Variants in ABCC11 observed in about 807,000 individuals in gnomAD.
ABCC11 encodes the protein ATP binding cassette subfamily C member 11.
In ABCC11, 135 loss-of-function variants were observed where a neutral mutation model predicts 149.3. The ratio of observed to expected loss-of-function variants is 0.90; its 90% CI spans 0.79 to 1.04. The LOEUF is 1.04. Ranked by LOEUF, ABCC11 falls within the 50% of genes least tolerant of loss-of-function variation. The pLI, the probability that ABCC11 is intolerant of heterozygous loss-of-function variation, is 0.00. For missense variants in ABCC11, 1,680 were observed against 1,722.1 expected, an observed-to-expected ratio of 0.98 and a Z score of 0.43; for synonymous variants, 665 against 671.4, an observed-to-expected ratio of 0.99 and a Z score of 0.15.
intron 24 of ABCC11, among the ~76,000 whole-genome samples, chr16:48,177,928 G>C (rs570263491): frequency 6.6e-6 from 1 of 152,254 alleles, no homozygotes; most frequent in African/African-American, 2.4e-5. Flanking sequence ...GAAAAATGTG[G>C]ATAATCATTC....
At chr16:48,186,803 A>G (rs148717085) in intron 22 of ABCC11, 150 bp downstream of exon 22, 17 of 955,878 alleles carry the variant, frequency 1.8e-5, no homozygotes, top group East Asian at 2.5e-5. Context: ...ATGGTTCAGC[A>G]GGTTCTGGAG....
At position 48,180,041 on chromosome 16, in the gene ABCC11, A is replaced by G. The variant is rs551843022; in HGVS notation, c.3259-1355T>C. Among the ~76,000 whole-genome samples, 6 of 152,322 alleles carry G rather than the reference A, an allele frequency of 3.9e-5. No homozygotes were observed. The South Asian group carries it at 1.2e-3, about 32-fold the overall frequency. ...GGGTTGGAAGACCACTTTTCCTCCC[A>G]TCCCTCAGTGTATCACACCCTGCGG... On this transcript the variant is annotated intron_variant, in intron 23 of 29. Coordinates refer to ENST00000356608, the MANE Select transcript of ABCC11 (RefSeq NM_001370497.1).
intron 18 of ABCC11, 67 bp from the exon 19 acceptor site, chr16:48,194,049 G>T (rs895296133): frequency 7.6e-6 from 9 of 1,183,280 alleles, no homozygotes; most frequent in African/African-American, 4.5e-5. Context: ...TGACTCAGCT[G>T]CTCGGCCATC....
At position 48,193,988 on chromosome 16, in the gene ABCC11, A is replaced by C; in HGVS notation, c.2405-6T>G. The C allele has an allele frequency of 6.2e-7, 1 of 1,602,564 alleles. No individual in the cohort carries two copies. The highest frequency in any genetic ancestry group is 8.5e-7 in the Non-Finnish European group (1 of 1,169,800). On this transcript the variant is annotated splice_polypyrimidine_tract_variant and splice_region_variant and intron_variant, in intron 18 of 29. Transcript: ENST00000356608. ...TATGCAAGAGACCATGTAACCTGGG[A>C]GGGAGACAGTGGTGATGTACAAGTG...
intron 1 of ABCC11, among the ~76,000 whole-genome samples, chr16:48,243,245 C>CA (rs1461451756): frequency 6.6e-6 from 1 of 151,248 alleles, no homozygotes; most frequent in Non-Finnish European, 1.5e-5. Context: ...ACTAAAAATA[C>CA]AAAAAATTAG....
intron 1 of ABCC11, among the ~76,000 whole-genome samples, chr16:48,245,673 G>C (rs1971334845): frequency 6.6e-6 from 1 of 151,944 alleles, no homozygotes; most frequent in Non-Finnish European, 1.5e-5. Flanking sequence ...GCCAGATTTT[G>C]AAAAAACTTT....
chr16:48,217,458 C>T (rs973245528), intron 6 of ABCC11, among the ~76,000 whole-genome samples: 1 of 151,968 alleles, frequency 6.6e-6, no homozygotes, highest in Non-Finnish European at 1.5e-5. Context: ...TAGCCAGGCA[C>T]GGGGGCACAT....
At chr16:48,193,467 G>A (rs1253417031) in intron 19 of ABCC11, among the ~76,000 whole-genome samples, 4 of 152,174 alleles carry the variant, frequency 2.6e-5, no homozygotes, top group Admixed American at 2.0e-4. Context: ...TCCTCTGAAT[G>A]TGGGTGGGGA....
At chr16:48,217,545 G>T (rs1372152076) in intron 6 of ABCC11, among the ~76,000 whole-genome samples, 2 of 152,186 alleles carry the variant, frequency 1.3e-5, no homozygotes, top group Non-Finnish European at 2.9e-5. Flanking sequence ...GCAATGAGCT[G>T]TAATCATGCC....
At chr16:48,184,881 C>G (rs933253660) in intron 22 of ABCC11, among the ~76,000 whole-genome samples, 2 of 152,260 alleles carry the variant, frequency 1.3e-5, no homozygotes, top group Non-Finnish European at 2.9e-5. Flanking sequence ...CCTCGCCTAA[C>G]CTCTGTGACT....
chr16:48,208,491 C>T lies in ABCC11; in HGVS notation c.1614G>A (p.Met538Ile). 1 of 1,614,188 alleles carries T rather than the reference C, an allele frequency of 6.2e-7. No homozygotes were observed. The highest frequency in any genetic ancestry group is 8.5e-7 in the Non-Finnish European group (1 of 1,180,022). Residue 538 changes from methionine (M) to isoleucine (I), a missense_variant, in exon 12 of 30, where the codon ATG (methionine) becomes ATA (isoleucine). Physicochemically the swap from Met to Ile is conservative, Grantham distance 10. Transcript: ENST00000356608. ...CCGTGTTGCCGCAGACCCCTAACAT[C>T]ATCCCCTGCAAGCCAAGGAGGACAT... ...HKINLVVSKG[M>I]MLGVCGNTGS...
At position 48,211,188 on chromosome 16, in the gene ABCC11, G is replaced by A. The variant is rs2150861012; in HGVS notation, c.1368C>T (p.Leu456=). The A allele has an allele frequency of 6.2e-7, 1 of 1,613,934 alleles. No homozygotes were observed. Among genetic ancestry groups the A allele is most frequent in the East Asian group, 2.2e-5 (1 of 44,888 alleles). Residue 456 remains leucine, a synonymous_variant, in exon 11 of 30, where the codon CTC becomes CTT. Transcript: ENST00000356608. ...SAVMRFKKFF[L]QESPVFYVQT... is the part of the protein sequence containing the mutation. ...GGACATAGAAAACAGGGCTCTCCTG[G>A]AGGAAAAACTTCTGTAAAGACAGAA...
At chr16:48,224,534 A>G (rs1003664189) in intron 4 of ABCC11, 105 bp from the exon 5 acceptor site, 3 of 1,257,178 alleles carry the variant, frequency 2.4e-6, no homozygotes, top group Admixed American at 2.2e-5. Flanking sequence ...TTCAAACATA[A>G]CAGAATAGAA....
At chr16:48,213,951 T>C (rs988819417) in intron 9 of ABCC11, among the ~76,000 whole-genome samples, 1 of 152,236 alleles carries the variant, frequency 6.6e-6, no homozygotes, top group East Asian at 1.9e-4. Context: ...CAAGGTCCTA[T>C]TTCTTCTTCT....
At chr16:48,238,159 G>A (rs1970776608) in intron 1 of ABCC11, among the ~76,000 whole-genome samples, 1 of 152,184 alleles carries the variant, frequency 6.6e-6, no homozygotes, top group South Asian at 2.1e-4. Flanking sequence ...TGAAAATGAT[G>A]TTCAGTGAAT....
At chr16:48,181,511 T>C (rs1391375106) in intron 23 of ABCC11, among the ~76,000 whole-genome samples, 1 of 152,218 alleles carries the variant, frequency 6.6e-6, no homozygotes, top group African/African-American at 2.4e-5. Context: ...TATCTCCCTT[T>C]TACAGATGAG....
chr16:48,221,412 T>G (rs1047917605), intron 6 of ABCC11, among the ~76,000 whole-genome samples: 1 of 151,724 alleles, frequency 6.6e-6, no homozygotes, highest in African/African-American at 2.4e-5. Flanking sequence ...AGTTTCTTCC[T>G]CCATTTCTGT....
intron 14 of ABCC11, among the ~76,000 whole-genome samples, chr16:48,201,681 A>T (rs1967995406): frequency 6.6e-6 from 1 of 151,992 alleles, no homozygotes; most frequent in Non-Finnish European, 1.5e-5. Context: ...GTCGTCAAAG[A>T]CTATTTGCAC....
rs746023497 is a variant in ABCC11, at chr16:48,197,980, C to T, written c.2305G>A (p.Gly769Arg). ...LATSLEESLN[G>R]NAVPEHQLTQ... ...TCTCCCACACCATTACCAGCATTTCCGTTGAGAGACTCTTCCAGGGAGGTG... is the reference window on the plus strand; with the variant it reads ...TCTCCCACACCATTACCAGCATTTCTGTTGAGAGACTCTTCCAGGGAGGTG... Residue 769 changes from glycine to arginine, a missense_variant, in exon 17 of 30, where the codon GGA (glycine) becomes AGA (arginine). Transcript: ENST00000356608. 8.1e-6 allele frequency: 13 copies of T among 1,613,940 alleles called. No homozygotes were observed. The highest frequency in any genetic ancestry group is 5.0e-5 in the Admixed American group (3 of 60,010).
Sources: allele counts gnomAD v4.1 joint callset (sites outside exome capture counted in the v4.1 genomes callset), GRCh38; gene constraint gnomAD v4.1.1; transcripts MANE v1.5; gene names NCBI Gene and HGNC (gene_info 2026-07-23, HGNC 2026-07-21).